COCH: variants seen among roughly 807,000 people sequenced by gnomAD.
COCH encodes coagulation factor C homolog, cochlin (Limulus polyphemus).
COCH carries 40 observed loss-of-function variants against 54.8 expected under a neutral mutation model. The observed-to-expected ratio is 0.73, with a 90% CI of 0.57 to 0.95. COCH has a LOEUF of 0.95. Ranked by LOEUF, COCH falls within the 40% of genes least tolerant of loss-of-function variation. The probability of loss-of-function intolerance (pLI) is 0.00; values close to 1 mark genes in which losing one functional copy is unlikely to be tolerated. For missense variants in COCH, 605 were observed against 675.0 expected (o/e 0.90, Z 1.15); for synonymous variants, 256 against 237.9 (o/e 1.08, Z -0.70).
chr14:30,893,403 C>T (rs1000931502), downstream of COCH, among the ~76,000 whole-genome samples: 1 of 152,090 alleles, frequency 6.6e-6, no homozygotes, highest in South Asian at 2.1e-4. Context: ...CCACCCACCT[C>T]GGCCTCCCAA....
intron 5 of COCH, 128 bp from the exon 6 acceptor site, chr14:30,879,295 C>A: frequency 1.1e-6 from 1 of 923,204 alleles, no homozygotes; most frequent in Non-Finnish European, 1.7e-6. Flanking sequence ...TAGCATGCAG[C>A]AGGATGTTTG....
At chr14:30,882,132 T>TTTTTG (rs1895627506) in intron 8 of COCH, among the ~76,000 whole-genome samples, 6 of 118,510 alleles carry the variant, frequency 5.1e-5, no homozygotes, top group African/African-American at 2.0e-4. Flanking sequence ...TTTTTTTTTT[T>TTTTTG]TTTTTTTTTT....
Position 30,890,490 on chromosome 14 carries a change from A to G in COCH, c.*699A>G. The G allele has an allele frequency of 3.2e-6, 3 of 933,192 alleles. No individual in the cohort carries two copies. The highest frequency in any genetic ancestry group is 2.6e-6 in the Non-Finnish European group (2 of 782,450). 57.8% of individuals were successfully genotyped at this position (933,192 alleles called of 1,614,324 possible). A position where few individuals can be genotyped will look rare whatever the true frequency, so the allele number is the denominator to read the frequency against. On this transcript the variant is annotated 3_prime_UTR_variant, in exon 12 of 12. Transcript: ENST00000396618. ...ATATTCTAAGTCACCTAAGTACTTA[A>G]AAGTTAAGTTGGTAAAGTATTTACT...
downstream of COCH, chr14:30,895,456 A>G (rs1174549804): frequency 2.5e-6 from 4 of 1,613,898 alleles, no homozygotes; most frequent in East Asian, 2.2e-5. Context: ...CACTAGCTAT[A>G]TATGCTTTTG....
intron 11 of COCH, among the ~76,000 whole-genome samples, chr14:30,887,167 C>T (rs532441709): frequency 3.3e-5 from 5 of 151,914 alleles, no homozygotes; most frequent in African/African-American, 7.3e-5. Context: ...CTGAGGTGGG[C>T]GGGATCACCT....
intron 8 of COCH, among the ~76,000 whole-genome samples, chr14:30,882,459 G>A (rs948063703): frequency 5.3e-5 from 8 of 151,892 alleles, no homozygotes; most frequent in Admixed American, 2.6e-4. Context: ...ATATTTGACT[G>A]TATTATTTTT....
At chr14:30,878,231 T>C (rs1219513838) in intron 4 of COCH, among the ~76,000 whole-genome samples, 1 of 152,244 alleles carries the variant, frequency 6.6e-6, no homozygotes, top group African/African-American at 2.4e-5. Flanking sequence ...CTTAGGAAAA[T>C]TGTTTGGTGC....
At chr14:30,885,273 C>G (rs1165742893) in intron 9 of COCH, 121 bp from the exon 10 acceptor site, 4 of 987,096 alleles carry the variant, frequency 4.1e-6, no homozygotes, top group Non-Finnish European at 6.2e-6. Flanking sequence ...TTTGTGTGCC[C>G]CGCCCCACTG....
chr14:30,885,312 GC>G, intron 9 of COCH, 81 bp from the exon 10 acceptor site: 1 of 1,223,520 alleles, frequency 8.2e-7, no homozygotes, highest in Non-Finnish European at 1.2e-6. Context: ...CTTAAACTTT[GC>G]AGCATCAAAT....
intron 11 of COCH, 90 bp downstream of exon 11, chr14:30,886,402 TAAAC>T (rs1327056221): frequency 1.5e-6 from 2 of 1,355,542 alleles, no homozygotes. Flanking sequence ...TTTATTTCAT[TAAAC>T]AAACACCTGT....
At position 30,874,944 on chromosome 14, in the gene COCH, C is replaced by A. The variant is rs1172839008; in HGVS notation, c.6C>A (p.Ser2=). The A allele has an allele frequency of 2.5e-6, 4 of 1,613,568 alleles. No individual in the cohort carries two copies. Among genetic ancestry groups the A allele is most frequent in the Non-Finnish European group, 3.4e-6 (4 of 1,179,842 alleles). M[S]AAWIPALGLG... ...TGAGCAGCCTATCAGTCACCATGTCCGCAGCCTGGATCCCGGCTCTCGGCC... is the reference window on the plus strand; with the variant it reads ...TGAGCAGCCTATCAGTCACCATGTCAGCAGCCTGGATCCCGGCTCTCGGCC... Residue 2 remains serine (S), a synonymous_variant, in exon 2 of 12, where the codon TCC becomes TCA. Transcript: ENST00000396618.
chr14:30,892,390 C>T (rs1407999481), downstream of COCH, among the ~76,000 whole-genome samples: 4 of 152,080 alleles, frequency 2.6e-5, no homozygotes, highest in South Asian at 6.2e-4. Context: ...ACAATTCTAG[C>T]TTTGGAAAAG....
downstream of COCH, among the ~76,000 whole-genome samples, chr14:30,891,956 C>T (rs1457946887): frequency 1.3e-5 from 2 of 152,074 alleles, no homozygotes; most frequent in Non-Finnish European, 2.9e-5. Flanking sequence ...AATATGCTGG[C>T]CCATTTATAA....
Position 30,889,893 on chromosome 14 carries a change from A to T in COCH, c.*102A>T. On this transcript the variant is annotated 3_prime_UTR_variant, in exon 12 of 12. Transcript: ENST00000396618. ...GCTTTAGCATACTAGAATCAGATAC[A>T]AAACTATTAAGTATGTCAACAGCCA... is the stretch of plus-strand genomic sequence containing the variant. 1 of 1,472,698 alleles carries T rather than the reference A, an allele frequency of 6.8e-7. No homozygotes were observed. Among genetic ancestry groups the T allele is most frequent in the South Asian group, 1.4e-5 (1 of 69,524 alleles). 91.2% of individuals were successfully genotyped at this position (1,472,698 alleles called of 1,614,324 possible).
downstream of COCH, among the ~76,000 whole-genome samples, chr14:30,891,051 A>T (rs1359068398): frequency 6.6e-6 from 1 of 152,172 alleles, no homozygotes; most frequent in Non-Finnish European, 1.5e-5. Flanking sequence ...AAATAAAAAA[A>T]AAAATAAAAA....
Position 30,889,871 on chromosome 14 carries a change from T to TTAGCATAC in COCH, c.*84_*91dup. ...TGTATTCTCATAATACTGAAATGCTTTAGCATACTAGAATCAGATACAAAA... is the reference window on the plus strand; with the variant it reads ...TGTATTCTCATAATACTGAAATGCTTTAGCATACTAGCATACTAGAATCAGATACAAAA... On this transcript the variant is annotated 3_prime_UTR_variant, in exon 12 of 12. Transcript: ENST00000396618. 1 of 1,525,808 alleles carries TTAGCATAC rather than the reference T, an allele frequency of 6.6e-7. No homozygotes were observed. Among genetic ancestry groups the TTAGCATAC allele is most frequent in the Non-Finnish European group, 8.8e-7 (1 of 1,136,190 alleles). The allele number at this position is 1,525,808 out of a possible 1,614,324, so 94.5% of individuals were successfully genotyped here.
intron 4 of COCH, among the ~76,000 whole-genome samples, chr14:30,878,523 G>C (rs1895452621): frequency 6.6e-6 from 1 of 152,142 alleles, no homozygotes; most frequent in Non-Finnish European, 1.5e-5. Context: ...CAGGTATGGT[G>C]GTGCATGCCT....
chr14:30,874,756 G>A, intron 1 of COCH, 160 bp from the exon 2 acceptor site: 1 of 683,558 alleles, frequency 1.5e-6, no homozygotes, highest in South Asian at 1.7e-5. Context: ...CCGCCGAGGC[G>A]CCTCCCAGAC....
intron 8 of COCH, among the ~76,000 whole-genome samples, chr14:30,881,571 A>C (rs1895587327): frequency 6.6e-6 from 1 of 151,182 alleles, no homozygotes; most frequent in Non-Finnish European, 1.5e-5. Context: ...TGTCTATTCC[A>C]CCTCCCTATT....
Sources: gnomAD v4.1 joint callset for allele counts (sites outside exome capture counted in the v4.1 genomes callset) on GRCh38, gnomAD v4.1.1 for gene constraint, MANE v1.5 for transcripts, NCBI Gene and HGNC (gene_info 2026-07-23, HGNC 2026-07-21) for gene names.